The following GLRA2 variants were observed in gnomAD, a reference collection of about 807,000 sequenced individuals.
GLRA2 encodes glycine receptor alpha 2.
GLRA2 carries 11 observed loss-of-function variants against 31.6 expected under a neutral mutation model. The observed-to-expected ratio is 0.35, with a 90% CI of 0.22 to 0.58. GLRA2 has a LOEUF of 0.58. GLRA2 is among the 20% of genes least tolerant of loss of function. The probability of loss-of-function intolerance (pLI) is 0.84; values close to 1 mark genes in which losing one functional copy is unlikely to be tolerated. For synonymous variants in GLRA2, 132 were observed against 134.0 expected, an observed-to-expected ratio of 0.99 and a Z score of 0.10; for missense variants, 212 against 351.8, an observed-to-expected ratio of 0.60 and a Z score of 3.18.
chrX:14,612,193 G>A (rs1233467443), intron 7 of GLRA2, among the ~76,000 whole-genome samples: 5 of 111,761 alleles, frequency 4.5e-5, no homozygotes, highest in African/African-American at 1.3e-4. Context: ...CAAAAGAAGA[G>A]ATTTATGCAA....
At chrX:14,682,080 G>T (rs928426335) in intron 7 of GLRA2, among the ~76,000 whole-genome samples, 88 of 103,728 alleles carry the variant, frequency 8.5e-4, no homozygotes, top group Non-Finnish European at 1.5e-3. Flanking sequence ...TAAAAAGTGG[G>T]CTAAGAAGGA....
At position 14,682,672 on chromosome X, in the gene GLRA2, G is replaced by A. The variant is rs755124589; in HGVS notation, c.931-8038G>A. Among the ~76,000 whole-genome samples, 15 of 109,159 alleles carry A rather than the reference G, an allele frequency of 1.4e-4. No individual in the cohort carries two copies. In the East Asian group the frequency reaches 2.0e-3, roughly 15 times the overall value. 94.8% of individuals were successfully genotyped at this position (109,159 alleles called of 115,157 possible). A position where few individuals can be genotyped will look rare whatever the true frequency, so the allele number is the denominator to read the frequency against. The stretch of plus-strand genomic sequence containing the variant: ...CCCGATAACTCATCATTTACATTAC[G>A]TATATCTCCTAATGCTTTCCTTTCC... On this transcript the variant is annotated intron_variant, in intron 7 of 8. Coordinates refer to ENST00000218075, the MANE Select transcript of GLRA2 (RefSeq NM_002063.4).
chrX:14,644,722 C>T (rs994041319), intron 7 of GLRA2, among the ~76,000 whole-genome samples: 1 of 111,631 alleles, frequency 9.0e-6, no homozygotes, highest in African/African-American at 3.3e-5. Context: ...GCTTGTTCTA[C>T]CAAGCAATAA....
At chrX:14,678,313 A>G (rs913752201) in intron 7 of GLRA2, among the ~76,000 whole-genome samples, 4 of 112,641 alleles carry the variant, frequency 3.6e-5, no homozygotes, top group African/African-American at 1.3e-4. Flanking sequence ...ATGTGTTTCA[A>G]AATGAAATTG....
intron 2 of GLRA2, among the ~76,000 whole-genome samples, chrX:14,564,388 A>C (rs1053403658): frequency 1.8e-5 from 2 of 111,510 alleles, no homozygotes; most frequent in African/African-American, 6.5e-5. Context: ...ATGAGGGAGA[A>C]ATTAAGACAT....
chrX:14,612,500 TTC>T (rs2090409571), intron 7 of GLRA2, among the ~76,000 whole-genome samples: 1 of 111,575 alleles, frequency 9.0e-6, no homozygotes, highest in Non-Finnish European at 1.9e-5. Context: ...TTATAAATCA[TTC>T]TATGATAAAG....
intron 7 of GLRA2, among the ~76,000 whole-genome samples, chrX:14,668,858 A>T (rs1180847255): frequency 1.8e-5 from 2 of 111,067 alleles, no homozygotes; most frequent in Non-Finnish European, 3.8e-5. Context: ...AGCCCCTCTA[A>T]ATCTCATGTC....
intron 2 of GLRA2, among the ~76,000 whole-genome samples, chrX:14,533,523 G>GAA (rs1044537875): frequency 5.5e-4 from 52 of 95,366 alleles, no homozygotes; most frequent in African/African-American, 1.7e-3. Context: ...AAATTTTTCT[G>GAA]AAAAAAAAAA....
At chrX:14,594,016 T>C (rs1449639757) in intron 4 of GLRA2, among the ~76,000 whole-genome samples, 1 of 112,430 alleles carries the variant, frequency 8.9e-6, no homozygotes, top group Non-Finnish European at 1.9e-5. Flanking sequence ...CAAAGTGTTA[T>C]CCAGTCAAGG....
chrX:14,498,092 C>T, the GLRA2 span, among the ~76,000 whole-genome samples: 1 of 109,831 alleles, frequency 9.1e-6, no homozygotes, highest in Non-Finnish European at 1.9e-5. Flanking sequence ...GGAAGATAGT[C>T]ATATCACACT....
the GLRA2 span, among the ~76,000 whole-genome samples, chrX:14,465,794 G>C: frequency 8.9e-6 from 1 of 111,752 alleles, no homozygotes; most frequent in African/African-American, 3.3e-5. Context: ...ATCTTGTCTT[G>C]ATCACAATAA....
At chrX:14,490,970 A>G in the GLRA2 span, among the ~76,000 whole-genome samples, 1 of 112,033 alleles carries the variant, frequency 8.9e-6, no homozygotes, top group South Asian at 3.7e-4. Flanking sequence ...AGATCAATTT[A>G]GAAGACTGCT....
chrX:14,543,533 G>T (rs899524004), intron 2 of GLRA2, among the ~76,000 whole-genome samples: 1 of 111,286 alleles, frequency 9.0e-6, no homozygotes, highest in African/African-American at 3.3e-5. Context: ...CTTATGAGGA[G>T]ATTACTGAAG....
chrX:14,621,573 C>T (rs753110257), intron 7 of GLRA2, among the ~76,000 whole-genome samples: 2 of 110,037 alleles, frequency 1.8e-5, no homozygotes, highest in East Asian at 5.8e-4. Context: ...TCCAAGTGTT[C>T]TCATTGTTCA....
chrX:14,648,398 A>C (rs2090855064), intron 7 of GLRA2, among the ~76,000 whole-genome samples: 1 of 112,255 alleles, frequency 8.9e-6, no homozygotes, highest in African/African-American at 3.2e-5. Context: ...CATAGATCTA[A>C]ATAAAGTAGC....
chrX:14,582,122 G>A (rs1018875299), intron 4 of GLRA2, among the ~76,000 whole-genome samples: 1 of 104,365 alleles, frequency 9.6e-6, no homozygotes, highest in Non-Finnish European at 2.0e-5. Flanking sequence ...CAACGTGCAG[G>A]TTAGTTACAT....
At chrX:14,525,767 G>T (rs1309076728), upstream of GLRA2, among the ~76,000 whole-genome samples, 1 of 111,629 alleles carries the variant, frequency 9.0e-6, no homozygotes, top group Admixed American at 9.6e-5. Context: ...AATAATCACA[G>T]ATCTTAACTT....
chrX:14,558,667 G>A (rs756432834), intron 2 of GLRA2, among the ~76,000 whole-genome samples: 1 of 111,765 alleles, frequency 8.9e-6, no homozygotes, highest in East Asian at 2.8e-4. Flanking sequence ...AAAGCCCTTT[G>A]ACATGTATCT....
chrX:14,498,062 AAAG>A, the GLRA2 span, among the ~76,000 whole-genome samples: 1 of 111,517 alleles, frequency 9.0e-6, no homozygotes, highest in Admixed American at 9.5e-5. Flanking sequence ...TTTAAAAAGT[AAAG>A]AAGTTATGTA....
Sources: allele counts gnomAD v4.1 joint callset (sites outside exome capture counted in the v4.1 genomes callset), GRCh38; gene constraint gnomAD v4.1.1; transcripts MANE v1.5; gene names NCBI Gene and HGNC (gene_info 2026-07-23, HGNC 2026-07-21).